Variants in NHEJ1 observed in about 807,000 individuals in gnomAD.
NHEJ1 encodes the protein non-homologous end joining factor 1.
A neutral mutation model predicts 39.4 loss-of-function variants in NHEJ1; 22 were observed. That is an observed-to-expected ratio of 0.56 (90% CI 0.40 to 0.80). The LOEUF (loss-of-function observed/expected upper bound fraction) is 0.80. Among genes scored for constraint, NHEJ1 ranks in the 30% least tolerant of loss-of-function variants. The probability of loss-of-function intolerance (pLI) is 0.00; values close to 1 mark genes in which losing one functional copy is unlikely to be tolerated. For synonymous variants in NHEJ1, 154 were observed against 135.6 expected (o/e 1.14, Z -0.94); for missense variants, 329 against 357.1 (o/e 0.92, Z 0.63).
chr2:219,110,499 G>A (rs1949356122), intron 5 of NHEJ1, among the ~76,000 whole-genome samples: 1 of 151,540 alleles, frequency 6.6e-6, no homozygotes, highest in Admixed American at 6.6e-5. Context: ...CTCCAGTCTG[G>A]GCAACAGAGT....
At chr2:219,149,828 C>T (rs1015250271) in intron 3 of NHEJ1, among the ~76,000 whole-genome samples, 2 of 152,206 alleles carry the variant, frequency 1.3e-5, no homozygotes, top group African/African-American at 4.8e-5. Context: ...GTTGCAACTA[C>T]TGGACTCTCC....
chr2:219,151,004 T>C, intron 3 of NHEJ1, among the ~76,000 whole-genome samples: 1 of 151,006 alleles, frequency 6.6e-6, no homozygotes, highest in East Asian at 1.9e-4. Context: ...AAAGCATGCC[T>C]ATATTTTCAG....
chr2:219,149,054 T>C (rs1265569965), intron 3 of NHEJ1, among the ~76,000 whole-genome samples: 1 of 152,058 alleles, frequency 6.6e-6, no homozygotes, highest in Non-Finnish European at 1.5e-5. Flanking sequence ...CGGCTAATTT[T>C]TGTATTTTTA....
chr2:219,159,528 T>TATATATATATGCAC lies in NHEJ1; in HGVS notation c.1-1167_1-1166insGTGCATATATATAT. ...TGACATAACTTTATATATATATGCA[T>TATATATATATGCAC]ATATATATGCATATATATATATGCA... is the stretch of plus-strand genomic sequence containing the variant. On this transcript the variant is annotated intron_variant, in intron 1 of 7. Transcript: ENST00000356853. Among the ~76,000 whole-genome samples, 2 of 92,252 alleles carry TATATATATATGCAC rather than the reference T, an allele frequency of 2.2e-5. 1 individual carries two copies. The highest frequency in any genetic ancestry group is 9.0e-5 in the African/African-American group (2 of 22,236). The allele number at this position is 92,252 out of a possible 152,430, so 60.5% of individuals were successfully genotyped here.
rs1948958524 is a variant in NHEJ1 at position 219,071,693 on chromosome 2, A to G, written c.*4688T>C. On this transcript the variant is annotated 3_prime_UTR_variant, in exon 8 of 8. Transcript: ENST00000356853. The stretch of plus-strand genomic sequence containing the variant: ...TACTGGCCCTTGGCCCAGCAGGACA[A>G]GTAATCCTAGCACAATCTTCCCAGG... Among the ~76,000 whole-genome samples the G allele has an allele frequency of 6.6e-6, 1 of 152,202 alleles. No homozygotes were observed. The highest frequency in any genetic ancestry group is 2.4e-5 in the African/African-American group (1 of 41,452).
chr2:219,118,441 C>T (rs1420431668), intron 5 of NHEJ1, among the ~76,000 whole-genome samples: 3 of 151,876 alleles, frequency 2.0e-5, no homozygotes, highest in Non-Finnish European at 4.4e-5. Context: ...CTCCCCAGAG[C>T]TCCGTTATTC....
chr2:219,119,900 A>T (rs192791574), intron 5 of NHEJ1, among the ~76,000 whole-genome samples: 1 of 152,354 alleles, frequency 6.6e-6, no homozygotes, highest in Admixed American at 6.5e-5. Flanking sequence ...TCCTTCTCCA[A>T]GAGTCTGGCC....
At chr2:219,136,929 C>CT (rs570124532) in intron 5 of NHEJ1, among the ~76,000 whole-genome samples, 4 of 151,708 alleles carry the variant, frequency 2.6e-5, no homozygotes, top group African/African-American at 7.3e-5. Context: ...TATTGATTTC[C>CT]TTTTTTTTCT....
intron 3 of NHEJ1, among the ~76,000 whole-genome samples, chr2:219,157,135 A>T (rs1434882092): frequency 6.6e-6 from 1 of 152,218 alleles, no homozygotes; most frequent in Non-Finnish European, 1.5e-5. Flanking sequence ...ATCATACTTT[A>T]TCATAATTTC....
chr2:219,116,152 T>A (rs775008209), intron 5 of NHEJ1, among the ~76,000 whole-genome samples: 38 of 152,268 alleles, frequency 2.5e-4, no homozygotes, highest in Non-Finnish European at 4.6e-4. Flanking sequence ...AATTCCTGAA[T>A]GAAGTGATTG....
chr2:219,157,514 G>A lies in NHEJ1; in HGVS notation c.348C>T (p.Pro116=), dbSNP rs754822415. Residue 116 remains proline (P), a synonymous_variant, in exon 3 of 8, where the codon CCC becomes CCT. Coordinates refer to ENST00000356853, the MANE Select transcript of NHEJ1 (RefSeq NM_024782.3). The part of the protein sequence containing the change: ...LRVRSELSGL[P]FYWNFHCMLA... ...GCATGCAGTGGAAATTCCAATAGAA[G>A]GGGAGGCCAGAGAGCTCACTTCGCA... The A allele has an allele frequency of 2.5e-6, 4 of 1,614,022 alleles. No individual in the cohort carries two copies. The highest frequency in any genetic ancestry group is 1.7e-4 in the Middle Eastern group (1 of 6,036).
rs61240146 is a variant in NHEJ1, at chr2:219,153,692, AG to A, written c.390+3779del. 9.7e-4 allele frequency among the ~76,000 whole-genome samples: 77 copies of A among 79,434 alleles called. 1 individual carries two copies. Among genetic ancestry groups the A allele is most frequent in the African/African-American group, 4.1e-3 (73 of 17,696 alleles). 52.1% of individuals were successfully genotyped at this position (79,434 alleles called of 152,430 possible). ...TCATCTCAAAAGAAAAAGAAAGAAAAGGGGGGGGGGGTGGAGAGAGAGAGAG... is the reference window on the plus strand; with the variant it reads ...TCATCTCAAAAGAAAAAGAAAGAAAAGGGGGGGGGGTGGAGAGAGAGAGAG... On this transcript the variant is annotated intron_variant, in intron 3 of 7. Transcript: ENST00000356853.
chr2:219,103,004 C>CAAAAAAA (rs34361973), intron 5 of NHEJ1, among the ~76,000 whole-genome samples: 1 of 31,584 alleles, frequency 3.2e-5, no homozygotes. Flanking sequence ...GACTCCGTCT[C>CAAAAAAA]AAAAAAAAAA....
rs1346154942 is a variant in NHEJ1 at position 219,158,218 on chromosome 2, C to T, written c.145G>A (p.Val49Met). The T allele has an allele frequency of 1.7e-5, 27 of 1,614,070 alleles. No homozygotes were observed. Among genetic ancestry groups the T allele is most frequent in the Non-Finnish European group, 2.3e-5 (27 of 1,180,050 alleles). ...CGCTGGCTGACCACACTAGTGTCCA[C>T]CTGTTCATGCCACACCTGTTGAAGA... is the stretch of plus-strand genomic sequence containing the variant. ...SDLQQVWHEQ[V>M]DTSVVSQRAK... The change falls in exon 2 of 8, where the codon GTG (valine) becomes ATG (methionine). Residue 49 changes from valine to methionine, a missense_variant. Physicochemically the swap from Val to Met is conservative, Grantham distance 21. Transcript: ENST00000356853.
chr2:219,097,040 C>T (rs1411878913), intron 5 of NHEJ1, among the ~76,000 whole-genome samples: 1 of 152,082 alleles, frequency 6.6e-6, no homozygotes, highest in Non-Finnish European at 1.5e-5. Context: ...AAGTGATATG[C>T]ATTCAGTAGA....
At chr2:219,108,877 C>T (rs1574717083) in intron 5 of NHEJ1, among the ~76,000 whole-genome samples, 1 of 152,276 alleles carries the variant, frequency 6.6e-6, no homozygotes, top group East Asian at 1.9e-4. Flanking sequence ...GAAGCTTACT[C>T]TGTTAGTTCT....
chr2:219,118,669 T>C (rs1396556782), intron 5 of NHEJ1, among the ~76,000 whole-genome samples: 2 of 152,062 alleles, frequency 1.3e-5, no homozygotes, highest in African/African-American at 4.8e-5. Context: ...CAGGGATATA[T>C]ATAGAACCAG....
chr2:219,085,848 A>G (rs943920809), intron 5 of NHEJ1, among the ~76,000 whole-genome samples: 4 of 152,016 alleles, frequency 2.6e-5, no homozygotes, highest in Non-Finnish European at 5.9e-5. Context: ...CTTCAAAATG[A>G]GATAATTTTG....
chr2:219,107,297 C>A (rs118004863), intron 5 of NHEJ1, among the ~76,000 whole-genome samples: 4 of 152,084 alleles, frequency 2.6e-5, no homozygotes, highest in Admixed American at 1.3e-4. Flanking sequence ...AAATAGAAAT[C>A]GATTGATTGA....
Sources: gnomAD v4.1 joint callset for allele counts (sites outside exome capture counted in the v4.1 genomes callset) on GRCh38, gnomAD v4.1.1 for gene constraint, MANE v1.5 for transcripts, NCBI Gene and HGNC (gene_info 2026-07-23, HGNC 2026-07-21) for gene names.